The following SOX6 variants were observed in gnomAD, a reference collection of about 807,000 sequenced individuals.
SOX6 encodes the protein transcription factor SOX-6.
In SOX6, 11 loss-of-function variants were observed where a neutral mutation model predicts 97.8. That is an observed-to-expected ratio of 0.11 (90% CI 0.07 to 0.19). SOX6 has a LOEUF of 0.19. Ranked by LOEUF, SOX6 falls within the 10% of genes least tolerant of loss-of-function variation. SOX6 has a pLI of 1.00. For synonymous variants in SOX6, 360 were observed against 371.4 expected (o/e 0.97, Z 0.35); for missense variants, 810 against 1,039.5 (o/e 0.78, Z 3.04).
intron 1 of SOX6, among the ~76,000 whole-genome samples, chr11:16,386,760 C>T (rs749744449): frequency 3.9e-5 from 6 of 152,028 alleles, no homozygotes; most frequent in Admixed American, 3.3e-4. Context: ...GATCCCAAAC[C>T]GAATTAGGTC....
At chr11:15,996,487 G>C (rs1854231245) in intron 13 of SOX6, among the ~76,000 whole-genome samples, 1 of 152,042 alleles carries the variant, frequency 6.6e-6, no homozygotes, top group Non-Finnish European at 1.5e-5. Context: ...AAATTAGCTA[G>C]GTGTGGCGGC....
At chr11:16,482,124 T>C (rs1203419246) in intron 4 of SOX6, among the ~76,000 whole-genome samples, 2 of 142,632 alleles carry the variant, frequency 1.4e-5, no homozygotes, top group Admixed American at 7.0e-5. Flanking sequence ...AGATAGGTAG[T>C]TAGAAAGAGG....
chr11:16,198,226 TTTTC>T (rs1321527577), intron 4 of SOX6, among the ~76,000 whole-genome samples: 2,541 of 98,230 alleles, frequency 0.026, 65 homozygotes, highest in African/African-American at 0.11. Context: ...GCTAATTTTT[TTTTC>T]TTTTTTTTTT....
In SOX6 at chr11:16,061,070, T is replaced by C. The variant is rs552356672; in HGVS notation, c.1102-5169A>G. ...GGTACATCATTATATTTATTATATATGTGACAAACAATTTTATGATATTAA... is the reference window on the plus strand; with the variant it reads ...GGTACATCATTATATTTATTATATACGTGACAAACAATTTTATGATATTAA... On this transcript the variant is annotated intron_variant, in intron 9 of 15. Coordinates refer to ENST00000683767, the MANE Select transcript of SOX6 (RefSeq NM_001367873.1). Among the ~76,000 whole-genome samples, 213 of 151,860 alleles carry C rather than the reference T, an allele frequency of 1.4e-3. 1 individual carries two copies. The highest frequency in any genetic ancestry group is 4.8e-3 in the African/African-American group (198 of 41,522).
At chr11:16,382,116 T>G (rs1857840716) in intron 1 of SOX6, among the ~76,000 whole-genome samples, 1 of 151,994 alleles carries the variant, frequency 6.6e-6, no homozygotes, top group Admixed American at 6.6e-5. Flanking sequence ...AAAATGTTAT[T>G]TTTACTTTAA....
chr11:16,186,932 T>C lies in SOX6; in HGVS notation c.559A>G (p.Lys187Glu). ...IKGTPESLAE[K>E]ERQLSTMITQ... ...ATCATGGTGGAGAGCTGCCGTTCTTTTTCTGCCAGGCTCTCAGGTGTACCT... is the reference window on the plus strand; with the variant it reads ...ATCATGGTGGAGAGCTGCCGTTCTTCTTCTGCCAGGCTCTCAGGTGTACCT... The change falls in exon 5 of 16, where the codon AAA becomes GAA. Residue 187 changes from lysine to glutamate, a missense_variant. Lys to Glu is a moderately conservative substitution (Grantham distance 56). Transcript: ENST00000683767. The C allele has an allele frequency of 6.2e-7, 1 of 1,613,846 alleles. No individual in the cohort carries two copies. Among genetic ancestry groups the C allele is most frequent in the Non-Finnish European group, 8.5e-7 (1 of 1,179,812 alleles).
chr11:16,656,875 T>C (rs1847723354), intron 3 of SOX6, among the ~76,000 whole-genome samples: 2 of 152,330 alleles, frequency 1.3e-5, no homozygotes, highest in Admixed American at 1.3e-4. Context: ...CTCATATATC[T>C]CACTATCCCG....
intron 3 of SOX6, among the ~76,000 whole-genome samples, chr11:16,636,437 G>T (rs1408618579): frequency 6.6e-6 from 1 of 152,246 alleles, no homozygotes; most frequent in Admixed American, 6.5e-5. Flanking sequence ...CATCTAGGAA[G>T]TAAGTAACTT....
Position 16,046,592 on chromosome 11 carries a change from C to A in SOX6, c.1545G>T (p.Gln515His), listed in dbSNP as rs777253525. 4 of 1,613,652 alleles carry A rather than the reference C, an allele frequency of 2.5e-6. No individual in the cohort carries two copies. In the Admixed American group the frequency reaches 6.7e-5, roughly 27 times the overall value. ...KMREQIQREQ[Q>H]QQQPHGVDGK... Reference sequence around the variant, plus strand: ...CGTCAACACCATGTGGCTGTTGCTGCTGTTGCTCCCGCTGGATCTGCTCTC... The same window carrying A: ...CGTCAACACCATGTGGCTGTTGCTGATGTTGCTCCCGCTGGATCTGCTCTC... The change falls in exon 12 of 16, where the codon CAG becomes CAT. Residue 515 changes from glutamine to histidine, a missense_variant. Coordinates refer to ENST00000683767, the MANE Select transcript of SOX6 (RefSeq NM_001367873.1).
At chr11:16,413,313 A>G (rs940372921) in intron 1 of SOX6, among the ~76,000 whole-genome samples, 6 of 152,166 alleles carry the variant, frequency 3.9e-5, no homozygotes, top group Admixed American at 2.6e-4. Context: ...TAATCATTCC[A>G]TCATCCCCTT....
chr11:16,223,219 A>T (rs1385777593), intron 4 of SOX6, among the ~76,000 whole-genome samples: 1 of 152,172 alleles, frequency 6.6e-6, no homozygotes, highest in African/African-American at 2.4e-5. Context: ...ATGCTGGGCT[A>T]AAAGTCTCTA....
In SOX6 at chr11:16,275,693, T is replaced by C. The variant is rs536490844; in HGVS notation, c.446-41022A>G. Among the ~76,000 whole-genome samples, 5 of 152,308 alleles carry C rather than the reference T, an allele frequency of 3.3e-5. No individual in the cohort carries two copies. The South Asian group carries it at 1.0e-3, about 32-fold the overall frequency. On this transcript the variant is annotated intron_variant, in intron 3 of 15. Coordinates refer to ENST00000683767, the MANE Select transcript of SOX6 (RefSeq NM_001367873.1). ...ACATTTCAGAAAGGGTAGACAGAGA[T>C]AGCAATAGAGTTGGAATTGGAGTAG...
intron 6 of SOX6, among the ~76,000 whole-genome samples, chr11:16,121,854 A>C (rs1255612843): frequency 6.6e-6 from 1 of 152,042 alleles, no homozygotes; most frequent in Non-Finnish European, 1.5e-5. Context: ...GCAAAAGTAA[A>C]ATGTATGATT....
chr11:16,566,145 G>A (rs1339204623), intron 4 of SOX6, among the ~76,000 whole-genome samples: 2 of 151,724 alleles, frequency 1.3e-5, no homozygotes, highest in Non-Finnish European at 2.9e-5. Context: ...AGCTTTGGGG[G>A]TTCCAAATAA....
At chr11:16,057,413 C>A (rs1847844116) in intron 9 of SOX6, among the ~76,000 whole-genome samples, 1 of 152,094 alleles carries the variant, frequency 6.6e-6, no homozygotes, top group Admixed American at 6.6e-5. Flanking sequence ...ATGTAACTAT[C>A]ACTAATTCTC....
At chr11:16,693,724 A>G (rs996507115) in intron 3 of SOX6, among the ~76,000 whole-genome samples, 1 of 152,196 alleles carries the variant, frequency 6.6e-6, no homozygotes, top group African/African-American at 2.4e-5. Context: ...TCCCAATATT[A>G]AATCATATGA....
At chr11:16,485,540 G>A (rs1225167154) in intron 4 of SOX6, among the ~76,000 whole-genome samples, 1 of 151,964 alleles carries the variant, frequency 6.6e-6, no homozygotes, top group Non-Finnish European at 1.5e-5. Context: ...GACCAGCCTG[G>A]TCAACATGGT....
chr11:16,637,340 C>T (rs935246828), intron 3 of SOX6, among the ~76,000 whole-genome samples: 1 of 152,164 alleles, frequency 6.6e-6, no homozygotes, highest in Non-Finnish European at 1.5e-5. Flanking sequence ...CCTGCCTCAG[C>T]CTCCTGAGTA....
At chr11:16,680,017 C>G (rs1039695727) in intron 3 of SOX6, among the ~76,000 whole-genome samples, 1 of 152,128 alleles carries the variant, frequency 6.6e-6, no homozygotes, top group Admixed American at 6.5e-5. Context: ...GAGAATGGAA[C>G]CAAGTTAGAA....
Sources: gnomAD v4.1 joint callset for allele counts (sites outside exome capture counted in the v4.1 genomes callset) on GRCh38, gnomAD v4.1.1 for gene constraint, MANE v1.5 for transcripts, NCBI Gene and HGNC (gene_info 2026-07-23, HGNC 2026-07-21) for gene names.